Variants in BCL2 observed in about 807,000 individuals in gnomAD.
BCL2 encodes apoptosis regulator Bcl-2.
In BCL2, 1 loss-of-function variant was observed where a neutral mutation model predicts 14.2. That is an observed-to-expected ratio of 0.07 (90% CI 0.02 to 0.33). The LOEUF (loss-of-function observed/expected upper bound fraction) is 0.33. BCL2 is among the 10% of genes least tolerant of loss of function. The pLI is 0.99. For missense variants in BCL2, 247 were observed against 305.9 expected, an observed-to-expected ratio of 0.81 and a Z score of 1.44; for synonymous variants, 151 against 137.2, an observed-to-expected ratio of 1.10 and a Z score of -0.70.
intron 2 of BCL2, among the ~76,000 whole-genome samples, chr18:63,265,454 G>A (rs1161647678): frequency 2.0e-5 from 3 of 152,070 alleles, no homozygotes; most frequent in Admixed American, 6.6e-5. Flanking sequence ...GGGCAGTTAG[G>A]TCAGTCTGAC....
At chr18:63,239,570 C>T (rs538841256) in intron 2 of BCL2, among the ~76,000 whole-genome samples, 2 of 152,114 alleles carry the variant, frequency 1.3e-5, no homozygotes, top group South Asian at 2.1e-4. Flanking sequence ...GGTGAAACCC[C>T]GTCTCTACAA....
chr18:63,299,135 G>A (rs928800277), intron 2 of BCL2, among the ~76,000 whole-genome samples: 11 of 152,178 alleles, frequency 7.2e-5, no homozygotes, highest in African/African-American at 2.7e-4. Context: ...AGAAAGAGTT[G>A]GGCAAAGTAC....
rs1449122616 is a variant in BCL2, at chr18:63,133,035, T to C, written c.586-4276A>G. Among the ~76,000 whole-genome samples, 6 of 152,310 alleles carry C rather than the reference T, an allele frequency of 3.9e-5. No individual in the cohort carries two copies. In the South Asian group the frequency reaches 1.2e-3, roughly 32 times the overall value. ...GAGGAGATGGGCAGGGCCTCAGCTC[T>C]GGTGGCTCTGTCCACAGTGGCTTCC... On this transcript the variant is annotated intron_variant, in intron 2 of 2. Coordinates refer to ENST00000333681, the MANE Select transcript of BCL2 (RefSeq NM_000633.3).
intron 2 of BCL2, among the ~76,000 whole-genome samples, chr18:63,277,651 G>A (rs1408109008): frequency 6.7e-6 from 1 of 150,182 alleles, no homozygotes; most frequent in Non-Finnish European, 1.5e-5. Flanking sequence ...CAAAAGTCTG[G>A]TCCTACCAAT....
upstream of BCL2, chr18:63,320,002 G>C (rs1913650671): frequency 6.6e-6 from 1 of 150,882 alleles, no homozygotes; most frequent in African/African-American, 2.4e-5. Flanking sequence ...ACGGCCGCCG[G>C]CAGGGAGGGC....
At chr18:63,208,009 A>G (rs1294241628) in intron 2 of BCL2, 1 of 152,232 alleles carries the variant, frequency 6.6e-6, no homozygotes, top group Non-Finnish European at 1.5e-5. Context: ...TTGAGGATCT[A>G]AGTAAATAGT....
intron 2 of BCL2, among the ~76,000 whole-genome samples, chr18:63,313,585 G>A (rs1568267067): frequency 6.6e-6 from 1 of 152,216 alleles, no homozygotes; most frequent in African/African-American, 2.4e-5. Context: ...CAAAGACAGT[G>A]TTGTTTTCTA....
At chr18:63,266,658 A>C (rs28702921) in intron 2 of BCL2, among the ~76,000 whole-genome samples, 3,309 of 145,178 alleles carry the variant, frequency 0.023, 61 homozygotes, top group South Asian at 0.052. Flanking sequence ...CACACACACA[A>C]AAATATATAT....
rs1599275437 is a variant in BCL2 at position 63,260,097 on chromosome 18, T to A, written c.585+57985A>T. ...TTTGAACACGTCTGGCTACTTTTCA[T>A]CTGCTTTTTTTTTTCTTGGTCACAT... On this transcript the variant is annotated intron_variant, in intron 2 of 2. Transcript: ENST00000333681. 2.0e-5 allele frequency among the ~76,000 whole-genome samples: 3 copies of A among 152,036 alleles called. No homozygotes were observed. The East Asian group carries it at 5.8e-4, about 29-fold the overall frequency.
intron 2 of BCL2, among the ~76,000 whole-genome samples, chr18:63,277,930 G>A (rs1912203892): frequency 6.6e-6 from 1 of 152,150 alleles, no homozygotes; most frequent in African/African-American, 2.4e-5. Context: ...CCAACTCACT[G>A]TACAGAAACA....
At chr18:63,184,401 T>A (rs1383490847) in intron 2 of BCL2, among the ~76,000 whole-genome samples, 1 of 152,240 alleles carries the variant, frequency 6.6e-6, no homozygotes, top group African/African-American at 2.4e-5. Context: ...ACTGGCATTC[T>A]TGTTTGAACA....
intron 2 of BCL2, among the ~76,000 whole-genome samples, chr18:63,171,369 G>A (rs949310313): frequency 6.6e-6 from 1 of 152,232 alleles, no homozygotes; most frequent in African/African-American, 2.4e-5. Flanking sequence ...CACTAGCACG[G>A]TGTGAATGAG....
chr18:63,228,600 T>G (rs1910608515), intron 2 of BCL2, among the ~76,000 whole-genome samples: 1 of 152,252 alleles, frequency 6.6e-6, no homozygotes, highest in Non-Finnish European at 1.5e-5. Flanking sequence ...GTATCTCCAG[T>G]GTTTAGGACA....
chr18:63,184,863 T>C (rs1209013855), intron 2 of BCL2, among the ~76,000 whole-genome samples: 1 of 152,228 alleles, frequency 6.6e-6, no homozygotes, highest in Non-Finnish European at 1.5e-5. Flanking sequence ...ACCCTTCTTC[T>C]TGAATGTAGA....
intron 2 of BCL2, among the ~76,000 whole-genome samples, chr18:63,131,405 A>G (rs1326645930): frequency 6.6e-6 from 1 of 152,226 alleles, no homozygotes; most frequent in Non-Finnish European, 1.5e-5. Context: ...ATGTGTGTTT[A>G]GTGCTCTTAG....
chr18:63,245,408 A>G (rs1041778606), intron 2 of BCL2, among the ~76,000 whole-genome samples: 6 of 152,202 alleles, frequency 3.9e-5, no homozygotes, highest in African/African-American at 1.4e-4. Flanking sequence ...CAACCAATAG[A>G]TTTCAAAGAC....
chr18:63,129,234 A>G (rs950939833), intron 2 of BCL2, among the ~76,000 whole-genome samples: 5 of 152,112 alleles, frequency 3.3e-5, no homozygotes, highest in African/African-American at 1.2e-4. Flanking sequence ...TTGAGTGTTG[A>G]CATCTTATCA....
intron 2 of BCL2, among the ~76,000 whole-genome samples, chr18:63,171,942 C>T (rs527564490): frequency 6.6e-6 from 1 of 152,358 alleles, no homozygotes; most frequent in South Asian, 2.1e-4. Context: ...GATCACACCA[C>T]TGCACTCCAG....
intron 2 of BCL2, among the ~76,000 whole-genome samples, chr18:63,305,075 G>A (rs963712617): frequency 9.2e-5 from 14 of 152,162 alleles, no homozygotes; most frequent in South Asian, 2.1e-4. Context: ...GCTCATAAGC[G>A]CATCCTCACA....
Sources: gnomAD v4.1 joint callset for allele counts (sites outside exome capture counted in the v4.1 genomes callset) on GRCh38, gnomAD v4.1.1 for gene constraint, MANE v1.5 for transcripts, NCBI Gene and HGNC (gene_info 2026-07-23, HGNC 2026-07-21) for gene names.